The following DYNC2H1 variants were observed in gnomAD, a reference collection of about 807,000 sequenced individuals.
The protein encoded by DYNC2H1 is cytoplasmic dynein 2 heavy chain 1.
A neutral mutation model predicts 570.0 loss-of-function variants in DYNC2H1; 410 were observed. That is an observed-to-expected ratio of 0.72 (90% CI 0.66 to 0.78). The LOEUF is 0.78. DYNC2H1 is among the 30% of genes least tolerant of loss of function. DYNC2H1 has a pLI of 0.00. For missense variants in DYNC2H1, 4,865 were observed against 5,046.4 expected (o/e 0.96, Z 1.09); for synonymous variants, 1,688 against 1,677.6 (o/e 1.01, Z -0.15).
At chr11:103,288,108 G>A (rs568475630) in intron 75 of DYNC2H1, among the ~76,000 whole-genome samples, 23 of 151,914 alleles carry the variant, frequency 1.5e-4, no homozygotes, top group South Asian at 1.5e-3. Flanking sequence ...TTACAGTAGT[G>A]GTGTTATCCC....
intron 40 of DYNC2H1, among the ~76,000 whole-genome samples, chr11:103,182,160 A>G (rs1861876672): frequency 6.6e-6 from 1 of 151,502 alleles, no homozygotes; most frequent in Non-Finnish European, 1.5e-5. Flanking sequence ...ATGTCTTTCT[A>G]ATTTTTACTA....
chr11:103,215,572 A>G, intron 54 of DYNC2H1, 149 bp from the exon 55 acceptor site: 1 of 638,024 alleles, frequency 1.6e-6, no homozygotes, highest in Non-Finnish European at 2.4e-6. Flanking sequence ...TGTTATAATT[A>G]GCAATAAGAA....
intron 75 of DYNC2H1, among the ~76,000 whole-genome samples, chr11:103,300,336 A>G (rs11225666): frequency 0.035 from 5,275 of 152,154 alleles, 320 homozygotes; most frequent in African/African-American, 0.12. Context: ...TGGTCAGAAT[A>G]TAAAGTTCCA....
chr11:103,473,328 C>T (rs1945451643), intron 88 of DYNC2H1, among the ~76,000 whole-genome samples: 1 of 147,300 alleles, frequency 6.8e-6, no homozygotes, highest in Non-Finnish European at 1.5e-5. Context: ...ACTCTGTCTC[C>T]CAGGCTGGAG....
intron 77 of DYNC2H1, 76 bp from the exon 78 acceptor site, chr11:103,307,645 T>A: frequency 3.0e-6 from 2 of 667,724 alleles, no homozygotes; most frequent in Non-Finnish European, 4.9e-6. Flanking sequence ...TTAAAAATAG[T>A]TACTAATAAT....
At chr11:103,111,526 A>G (rs1049178546) in intron 1 of DYNC2H1, among the ~76,000 whole-genome samples, 2 of 152,012 alleles carry the variant, frequency 1.3e-5, no homozygotes, top group African/African-American at 2.4e-5. Context: ...TCCTAGACTC[A>G]CTCCAGTGGC....
At chr11:103,331,356 T>C (rs905943520) in intron 82 of DYNC2H1, among the ~76,000 whole-genome samples, 1 of 152,126 alleles carries the variant, frequency 6.6e-6, no homozygotes, top group African/African-American at 2.4e-5. Flanking sequence ...ACCAGAAACC[T>C]TGGGGAGAGA....
At chr11:103,343,072 A>G (rs1939550588) in intron 82 of DYNC2H1, among the ~76,000 whole-genome samples, 1 of 152,174 alleles carries the variant, frequency 6.6e-6, no homozygotes, top group Non-Finnish European at 1.5e-5. Flanking sequence ...GGAAAAGGCT[A>G]ACAACCCCTG....
At chr11:103,297,781 C>G (rs1213300201) in intron 75 of DYNC2H1, among the ~76,000 whole-genome samples, 2 of 152,050 alleles carry the variant, frequency 1.3e-5, no homozygotes, top group African/African-American at 4.8e-5. Flanking sequence ...GGTTTCAACC[C>G]TAAAACTTAC....
rs370992556 is a variant in DYNC2H1, at chr11:103,253,385, G to T, written c.10143G>T (p.Pro3381=). The part of the protein sequence containing the change: ...STRNPNPFIP[P]DAASIVTEVN... ...GAAACCCAAATCCTTTTATTCCACCGGATGCAGCTTCCATTGTTACTGAGG... is the reference window on the plus strand; with the variant it reads ...GAAACCCAAATCCTTTTATTCCACCTGATGCAGCTTCCATTGTTACTGAGG... Residue 3381 remains proline, a synonymous_variant, in exon 66 of 89, where the codon CCG becomes CCT. Coordinates refer to ENST00000375735, the MANE Select transcript of DYNC2H1 (RefSeq NM_001377.3). 1.2e-6 allele frequency: 2 copies of T among 1,613,058 alleles called. No homozygotes were observed. The highest frequency in any genetic ancestry group is 1.1e-5 in the South Asian group (1 of 91,022).
At chr11:103,393,032 CA>C (rs1942238304) in intron 83 of DYNC2H1, among the ~76,000 whole-genome samples, 1 of 152,040 alleles carries the variant, frequency 6.6e-6, no homozygotes, top group South Asian at 2.1e-4. Context: ...TACAGGTGTG[CA>C]CCACCATGCC....
chr11:103,446,910 G>A lies in DYNC2H1; in HGVS notation c.12457-8276G>A, dbSNP rs1163591422. ...ATTAAGAGGAGACCTATAAGTAGGTGGACATTATAAATTCCTGTTTTGCCA... is the reference window on the plus strand; with the variant it reads ...ATTAAGAGGAGACCTATAAGTAGGTAGACATTATAAATTCCTGTTTTGCCA... On this transcript the variant is annotated intron_variant, in intron 85 of 88. Coordinates refer to ENST00000375735, the MANE Select transcript of DYNC2H1 (RefSeq NM_001377.3). This position sits in a 1 kb window ranked among gnomAD's most constrained non-coding sequence, Gnocchi z 4.5. Among the ~76,000 whole-genome samples, 1 of 151,940 alleles carries A rather than the reference G, an allele frequency of 6.6e-6. No individual in the cohort carries two copies. The highest frequency in any genetic ancestry group is 2.4e-5 in the African/African-American group (1 of 41,382).
chr11:103,253,192 A>T (rs984791994), intron 65 of DYNC2H1, 93 bp from the exon 66 acceptor site: 2 of 1,300,240 alleles, frequency 1.5e-6, no homozygotes, highest in Non-Finnish European at 2.1e-6. Context: ...CGAAAAGCCT[A>T]TATTTAGAAG....
chr11:103,387,429 A>C (rs1591664309), intron 83 of DYNC2H1, among the ~76,000 whole-genome samples: 1 of 152,092 alleles, frequency 6.6e-6, no homozygotes, highest in African/African-American at 2.4e-5. Flanking sequence ...AGATTGCAAA[A>C]ATTTTCTCCT....
At chr11:103,332,067 C>CAA (rs879873856) in intron 82 of DYNC2H1, among the ~76,000 whole-genome samples, 12 of 102,028 alleles carry the variant, frequency 1.2e-4, no homozygotes, top group African/African-American at 3.8e-4. Flanking sequence ...GACTCCATCT[C>CAA]AAAAAAAAAA....
rs755464335 is a variant in DYNC2H1 at position 103,114,235 on chromosome 11, C to A, written c.499C>A (p.Arg167=). The A allele has an allele frequency of 3.0e-5, 48 of 1,585,654 alleles. No individual in the cohort carries two copies. The highest frequency in any genetic ancestry group is 1.2e-5 in the Non-Finnish European group (14 of 1,164,970). The change falls in exon 3 of 89, where the codon CGA becomes AGA. Residue 167 remains arginine, a synonymous_variant. Transcript: ENST00000375735. Reference sequence around the variant, plus strand: ...ATTGAAATTTAAGGAAGATGACACACGAGGTATATAACCATAGCTTAATAA... The same window carrying A: ...ATTGAAATTTAAGGAAGATGACACAAGAGGTATATAACCATAGCTTAATAA... ...TKLKFKEDDT[R]GILTPSDEFQ...
chr11:103,474,597 C>T (rs1188359447), intron 88 of DYNC2H1, among the ~76,000 whole-genome samples: 1 of 152,006 alleles, frequency 6.6e-6, no homozygotes, highest in African/African-American at 2.4e-5. Flanking sequence ...ATTTCAGTTA[C>T]CCACAGTCAG....
rs767523554 is a variant in DYNC2H1 at position 103,204,346 on chromosome 11, A to G, written c.8312-476A>G. 3.3e-5 allele frequency among the ~76,000 whole-genome samples: 5 copies of G among 152,146 alleles called. No homozygotes were observed. Among genetic ancestry groups the G allele is most frequent in the Non-Finnish European group, 5.9e-5 (4 of 68,012 alleles). ...CTTAGCAAAATTTTAGCAAACAGGA[A>G]TGATGAAAGTATGGTAATGTTCTTT... On this transcript the variant is annotated intron_variant, in intron 51 of 88. Coordinates refer to ENST00000375735, the MANE Select transcript of DYNC2H1 (RefSeq NM_001377.3). This position sits in a 1 kb window ranked among gnomAD's most constrained non-coding sequence, Gnocchi z 4.1.
intron 55 of DYNC2H1, 138 bp from the exon 56 acceptor site, chr11:103,219,775 ACT>A: frequency 1.9e-6 from 1 of 519,696 alleles, no homozygotes; most frequent in South Asian, 2.9e-5. Flanking sequence ...CATTTTGGAA[ACT>A]CTCTTGTCAT....
Sources: gnomAD v4.1 joint callset for allele counts (sites outside exome capture counted in the v4.1 genomes callset) on GRCh38, gnomAD v4.1.1 for gene constraint, Gnocchi (gnomAD v3.1) non-coding constraint, MANE v1.5 for transcripts, NCBI Gene and HGNC (gene_info 2026-07-23, HGNC 2026-07-21) for gene names.